MEIOSIN: variants seen among roughly 807,000 people sequenced by gnomAD.
The protein encoded by MEIOSIN is meiosis initiator protein.
A neutral mutation model predicts 23.4 loss-of-function variants in MEIOSIN; 18 were observed. The ratio of observed to expected loss-of-function variants is 0.77; its 90% CI spans 0.53 to 1.14. The LOEUF (loss-of-function observed/expected upper bound fraction) is 1.14, where lower values mean the gene tolerates loss of function less well. Ranked by LOEUF, MEIOSIN falls within the 50% of genes most tolerant of loss-of-function variation. The pLI is 0.00. For synonymous variants in MEIOSIN, 187 were observed against 100.6 expected, an observed-to-expected ratio of 1.86 and a Z score of -5.14; for missense variants, 428 against 242.9, an observed-to-expected ratio of 1.76 and a Z score of -5.07.
rs1968888300 is a variant in MEIOSIN, at chr19:45,758,886, C to G, written c.1021C>G (p.Leu341Val). The G allele has an allele frequency of 2.8e-6, 2 of 703,002 alleles. No homozygotes were observed. The highest frequency in any genetic ancestry group is 5.2e-6 in the Non-Finnish European group (2 of 385,020). 43.5% of individuals were successfully genotyped at this position (703,002 alleles called of 1,614,324 possible). A position where few individuals can be genotyped will look rare whatever the true frequency, so the allele number is the denominator to read the frequency against. The part of the protein sequence containing the change: ...TPENSPQGSP[L>V]FLGPPQIDVW... The stretch of plus-strand genomic sequence containing the variant: ...TGCTGTTCCCTTTCCAGGGAGCCCA[C>G]TGTTCCTGGGGCCTCCCCAGATTGA... Residue 341 changes from leucine to valine, a missense_variant, in exon 10 of 15, where the codon CTG (leucine) becomes GTG (valine). Transcript: ENST00000457052.
At chr19:45,748,588 C>T (rs919448370) in intron 4 of MEIOSIN, among the ~76,000 whole-genome samples, 1 of 152,192 alleles carries the variant, frequency 6.6e-6, no homozygotes, top group African/African-American at 2.4e-5. Context: ...GCTAACCTTC[C>T]TGAAGTTTCA....
rs186210469 is a variant in MEIOSIN, at chr19:45,742,230, C to T, written c.176+2500C>T. ...CTATGTTGCCCAGGCTGGACTCAAACTCCTGGGCTCAAGGGACCATCCTGC... is the reference window on the plus strand; with the variant it reads ...CTATGTTGCCCAGGCTGGACTCAAATTCCTGGGCTCAAGGGACCATCCTGC... On this transcript the variant is annotated intron_variant, in intron 3 of 14. Transcript: ENST00000457052. Among the ~76,000 whole-genome samples the T allele has an allele frequency of 3.0e-4, 46 of 152,186 alleles. No individual in the cohort carries two copies. The East Asian group carries it at 8.2e-3, about 27-fold the overall frequency.
intron 3 of MEIOSIN, among the ~76,000 whole-genome samples, chr19:45,741,573 C>T (rs997539003): frequency 1.3e-5 from 2 of 151,834 alleles, no homozygotes; most frequent in African/African-American, 4.8e-5. Context: ...AATTCTTGCC[C>T]TGTGGCGTGT....
intron 13 of MEIOSIN, among the ~76,000 whole-genome samples, chr19:45,762,501 C>G (rs979092254): frequency 2.6e-4 from 39 of 152,182 alleles, no homozygotes; most frequent in Admixed American, 1.3e-3. Flanking sequence ...AATCACAGCT[C>G]ACTGCAATGT....
chr19:45,737,456 T>C (rs909883681), intron 2 of MEIOSIN, among the ~76,000 whole-genome samples: 28 of 150,938 alleles, frequency 1.9e-4, no homozygotes, highest in Admixed American at 2.6e-4. Flanking sequence ...GTTACAGGCA[T>C]GAGCCACCAC....
chr19:45,756,670 C>T (rs148008361), intron 8 of MEIOSIN, among the ~76,000 whole-genome samples: 2,651 of 152,194 alleles, frequency 0.017, 193 homozygotes, highest in Admixed American at 0.14. Flanking sequence ...GCAATCCTCC[C>T]ACCTCAGCCT....
intron 3 of MEIOSIN, among the ~76,000 whole-genome samples, chr19:45,743,537 T>C (rs1968541259): frequency 6.6e-6 from 1 of 152,282 alleles, no homozygotes; most frequent in Admixed American, 6.5e-5. Context: ...TTTTTCTTTT[T>C]TTGAGACAGA....
intron 11 of MEIOSIN, 125 bp downstream of exon 11, chr19:45,759,615 C>A: frequency 1.6e-6 from 1 of 636,798 alleles, no homozygotes. Context: ...TCTGTCCTTC[C>A]ACTCATGCGT....
intron 9 of MEIOSIN, among the ~76,000 whole-genome samples, 153 bp from the exon 10 acceptor site, chr19:45,758,725 G>A (rs751936648): frequency 1.3e-5 from 2 of 152,246 alleles, no homozygotes; most frequent in African/African-American, 2.4e-5. Flanking sequence ...CATCGCAGCC[G>A]GCTGCCTCTT....
At chr19:45,735,687 T>A (rs1490535541) in intron 2 of MEIOSIN, among the ~76,000 whole-genome samples, 2 of 152,124 alleles carry the variant, frequency 1.3e-5, no homozygotes, top group East Asian at 3.8e-4. Flanking sequence ...TTTATTTATT[T>A]ATTTTTGAGA....
chr19:45,763,232 G>A, intron 13 of MEIOSIN, 106 bp from the exon 14 acceptor site: 1 of 397,282 alleles, frequency 2.5e-6, no homozygotes, highest in Non-Finnish European at 4.4e-6. Context: ...CAGCTCCAGA[G>A]GGTGGTCTTG....
At chr19:45,747,713 T>C (rs1968619993) in intron 4 of MEIOSIN, among the ~76,000 whole-genome samples, 1 of 152,176 alleles carries the variant, frequency 6.6e-6, no homozygotes, top group African/African-American at 2.4e-5. Context: ...GCTCATTCTT[T>C]GGTCTGAGGA....
intron 2 of MEIOSIN, 67 bp from the exon 3 acceptor site, chr19:45,739,559 C>T: frequency 1.4e-6 from 1 of 700,364 alleles, no homozygotes; most frequent in African/African-American, 1.7e-5. Context: ...GATTGATTGA[C>T]TCTGATTGGC....
intron 14 of MEIOSIN, 75 bp from the exon 15 acceptor site, chr19:45,763,896 A>G: frequency 2.5e-6 from 1 of 398,410 alleles, no homozygotes; most frequent in East Asian, 3.6e-5. Context: ...CTGCGGGGAC[A>G]CAGGATTGGG....
intron 5 of MEIOSIN, among the ~76,000 whole-genome samples, chr19:45,753,073 G>A (rs1007145636): frequency 5.9e-5 from 9 of 151,928 alleles, no homozygotes; most frequent in Admixed American, 1.3e-4. Context: ...ACAGGCACCC[G>A]CCACCACACC....
rs527392009 is a variant in MEIOSIN, at chr19:45,761,772, G to A, written c.1339G>A (p.Gly447Arg). Residue 447 changes from glycine to arginine, a missense_variant, in exon 12 of 15, where the codon GGG (glycine) becomes AGG (arginine). Gly to Arg is a moderately radical substitution (Grantham distance 125). Coordinates refer to ENST00000457052, the MANE Select transcript of MEIOSIN (RefSeq NM_001310124.2). Reference sequence around the variant, plus strand: ...GGACCACTGCTACCTCTCGCTGAGCGGGAACAGCAAGGCGCCATCCAGCTC... The same window carrying A: ...GGACCACTGCTACCTCTCGCTGAGCAGGAACAGCAAGGCGCCATCCAGCTC... ...SLDHCYLSLS[G>R]NSKAPSSSSS... is the part of the protein sequence containing the mutation. The A allele has an allele frequency of 2.1e-5, 15 of 701,126 alleles. No individual in the cohort carries two copies. Among genetic ancestry groups the A allele is most frequent in the Middle Eastern group, 2.3e-4 (1 of 4,366 alleles). 43.4% of individuals were successfully genotyped at this position (701,126 alleles called of 1,614,324 possible).
intron 3 of MEIOSIN, among the ~76,000 whole-genome samples, chr19:45,742,762 A>G (rs1057260021): frequency 6.6e-6 from 1 of 152,068 alleles, no homozygotes; most frequent in African/African-American, 2.4e-5. Context: ...GCGCCACTGC[A>G]CTCCAGCCTG....
chr19:45,764,106 G>A lies in MEIOSIN; in HGVS notation c.1905G>A (p.Pro635=), dbSNP rs1024393572. The part of the protein sequence containing the change: ...LLAEKALPLP[P]HLQ ...CCGAGAAGGCCTTGCCGCTGCCCCC[G>A]CACCTCCAGTGAGAGGGCGGCCCCT... Residue 635 remains proline, a synonymous_variant, in exon 15 of 15, where the codon CCG becomes CCA. Coordinates refer to ENST00000457052, the MANE Select transcript of MEIOSIN (RefSeq NM_001310124.2). The A allele has an allele frequency of 2.5e-5, 10 of 398,486 alleles. No individual in the cohort carries two copies. The highest frequency in any genetic ancestry group is 8.2e-5 in the African/African-American group (4 of 48,634). The allele number at this position is 398,486 out of a possible 1,614,324, so 24.7% of individuals were successfully genotyped here. A position where few individuals can be genotyped will look rare whatever the true frequency, so the allele number is the denominator to read the frequency against.
In MEIOSIN at chr19:45,749,671, CA is replaced by C. The variant is rs71175219; in HGVS notation, c.307-984del. Among the ~76,000 whole-genome samples, 230 of 34,484 alleles carry C rather than the reference CA, an allele frequency of 6.7e-3. 1 individual carries two copies. Among genetic ancestry groups the C allele is most frequent in the African/African-American group, 0.02 (156 of 7,892 alleles). The allele number at this position is 34,484 out of a possible 152,430, so 22.6% of individuals were successfully genotyped here. The stretch of plus-strand genomic sequence containing the variant: ...TGGGCGACAGAACAAGATTCTGTCT[CA>C]AAAAAAAAAAAAAAAAAAAGCGCAA... On this transcript the variant is annotated intron_variant, in intron 4 of 14. Transcript: ENST00000457052.
Sources: gnomAD v4.1 joint callset for allele counts (sites outside exome capture counted in the v4.1 genomes callset) on GRCh38, gnomAD v4.1.1 for gene constraint, MANE v1.5 for transcripts, NCBI Gene and HGNC (gene_info 2026-07-23, HGNC 2026-07-21) for gene names.